Variants in EFHD2 observed in about 807,000 individuals in gnomAD.
EFHD2 encodes the protein EF-hand domain-containing protein D2.
A neutral mutation model predicts 20.3 loss-of-function variants in EFHD2; 12 were observed. The ratio of observed to expected loss-of-function variants is 0.59; its 90% CI spans 0.38 to 0.96. The LOEUF (loss-of-function observed/expected upper bound fraction) is 0.96, where lower values mean the gene tolerates loss of function less well. Among genes scored for constraint, EFHD2 ranks in the 40% least tolerant of loss-of-function variants. The pLI is 0.00. For synonymous variants in EFHD2, 131 were observed against 143.9 expected (o/e 0.91, Z 0.64); for missense variants, 250 against 334.3 (o/e 0.75, Z 1.97).
intron 1 of EFHD2, among the ~76,000 whole-genome samples, chr1:15,415,128 A>G (rs1163387366): frequency 6.6e-6 from 1 of 152,210 alleles, no homozygotes; most frequent in African/African-American, 2.4e-5. Flanking sequence ...CATTCTTCCA[A>G]CAGATATTAA....
chr1:15,428,127 C>T (rs1416875043), intron 3 of EFHD2: 2 of 393,340 alleles, frequency 5.1e-6, no homozygotes, highest in Non-Finnish European at 1.0e-5. Flanking sequence ...AGGGCCAGAG[C>T]TGGTGAGGTC....
intron 1 of EFHD2, 39 bp from the exon 2 acceptor site, chr1:15,425,832 G>T (rs773743648): frequency 4.4e-6 from 7 of 1,594,514 alleles, no homozygotes; most frequent in Non-Finnish European, 5.1e-6. Flanking sequence ...CTCTCTGACT[G>T]AGCCAGTGCC....
chr1:15,410,396 C>T (rs1213893046), intron 1 of EFHD2, 117 bp downstream of exon 1: 61 of 1,264,164 alleles, frequency 4.8e-5, no homozygotes, highest in Admixed American at 3.1e-5. Flanking sequence ...CAAGCTTCCC[C>T]GAACCCAGAC....
intron 1 of EFHD2, among the ~76,000 whole-genome samples, chr1:15,419,530 A>AG (rs35227579): frequency 0.3 from 45,389 of 152,086 alleles, 10,690 homozygotes; most frequent in African/African-American, 0.66. Context: ...GGAAAAAGAG[A>AG]GGGGCCAGGG....
rs768726542 is a variant in EFHD2, at chr1:15,428,732, T to TG, written c.*9dup. On this transcript the variant is annotated 3_prime_UTR_variant, in exon 4 of 4. Coordinates refer to ENST00000375980, the MANE Select transcript of EFHD2 (RefSeq NM_024329.6). ...CAGTCCACCTTTAAGTAGCGGGGGC[T>TG]GCAGCCGACCGCCCTGCTCCGGCCC... 107 of 1,573,320 alleles carry TG rather than the reference T, an allele frequency of 6.8e-5. No homozygotes were observed. The highest frequency in any genetic ancestry group is 9.0e-5 in the Non-Finnish European group (105 of 1,160,542).
At chr1:15,419,421 G>A (rs1056954313) in intron 1 of EFHD2, among the ~76,000 whole-genome samples, 8 of 152,366 alleles carry the variant, frequency 5.3e-5, no homozygotes, top group East Asian at 1.9e-4. Context: ...CAGTACTGCC[G>A]AATGGCATTG....
chr1:15,414,759 A>G (rs1398778566), intron 1 of EFHD2, among the ~76,000 whole-genome samples: 1 of 152,246 alleles, frequency 6.6e-6, no homozygotes, highest in African/African-American at 2.4e-5. Context: ...TCTCCTGCTG[A>G]ACAGCCACTC....
rs562670393 is a variant in EFHD2, at chr1:15,428,608, G to C, written c.607G>C (p.Val203Leu). The C allele has an allele frequency of 1.2e-6, 2 of 1,611,020 alleles. No individual in the cohort carries two copies. The highest frequency in any genetic ancestry group is 1.7e-6 in the Non-Finnish European group (2 of 1,178,998). ...FFEAKVQAINVSSRFEEEIKA... is the reference protein window; with the variant it reads ...FFEAKVQAINLSSRFEEEIKA... Reference sequence around the variant, plus strand: ...GCCCCCGCAGGTCCAGGCCATCAACGTGTCCAGCCGCTTCGAGGAGGAGAT... The same window carrying C: ...GCCCCCGCAGGTCCAGGCCATCAACCTGTCCAGCCGCTTCGAGGAGGAGAT... The change falls in exon 4 of 4, where the codon GTG becomes CTG. Residue 203 changes from valine to leucine, a missense_variant. By Grantham distance (32) the Val-to-Leu change is conservative. This residue lies in a region of EFHD2 where 100 missense variants were observed against 116.2 expected (regional missense o/e 0.86). Transcript: ENST00000375980.
rs560889272 is a variant in EFHD2, at chr1:15,412,592, C to T, written c.308+2313C>T. Reference sequence around the variant, plus strand: ...GCGGATTGTCCATTCATGTCCCCAACCCCAGCCCCCGTCTCTCCTTTCCCC... The same window carrying T: ...GCGGATTGTCCATTCATGTCCCCAATCCCAGCCCCCGTCTCTCCTTTCCCC... On this transcript the variant is annotated intron_variant, in intron 1 of 3. Transcript: ENST00000375980. Among the ~76,000 whole-genome samples the T allele has an allele frequency of 3.2e-3, 489 of 152,270 alleles. 3 individuals carry two copies. Among genetic ancestry groups the T allele is most frequent in the African/African-American group, 0.011 (463 of 41,550 alleles).
intron 1 of EFHD2, among the ~76,000 whole-genome samples, chr1:15,421,046 T>G (rs1295668974): frequency 6.6e-6 from 1 of 152,206 alleles, no homozygotes; most frequent in Non-Finnish European, 1.5e-5. Flanking sequence ...GACCAGGCTC[T>G]GTGCCAAGAG....
chr1:15,411,893 T>A (rs1010151149), intron 1 of EFHD2, among the ~76,000 whole-genome samples: 1 of 152,180 alleles, frequency 6.6e-6, no homozygotes, highest in Non-Finnish European at 1.5e-5. Context: ...AGAAAGGCTC[T>A]GACCCTACTC....
chr1:15,419,265 A>G (rs1269299263), intron 1 of EFHD2, among the ~76,000 whole-genome samples: 1 of 152,216 alleles, frequency 6.6e-6, no homozygotes, highest in Non-Finnish European at 1.5e-5. Context: ...TGTCCCCAGC[A>G]TCCAGGGTGC....
chr1:15,426,374 G>C lies in EFHD2; in HGVS notation c.456+356G>C, dbSNP rs143685859. 6.6e-6 allele frequency among the ~76,000 whole-genome samples: 1 copy of C among 152,270 alleles called. No individual in the cohort carries two copies. Among genetic ancestry groups the C allele is most frequent in the East Asian group, 1.9e-4 (1 of 5,184 alleles). On this transcript the variant is annotated intron_variant, in intron 2 of 3. Transcript: ENST00000375980. This position sits in a 1 kb window ranked among gnomAD's most constrained non-coding sequence, Gnocchi z 4.6. ...TGTAGAGGGGGAGACACCACAGAAG[G>C]AAATCAGGGCTGTGATGCAGAGGAA...
At chr1:15,423,100 A>T (rs1707820956) in intron 1 of EFHD2, among the ~76,000 whole-genome samples, 1 of 152,102 alleles carries the variant, frequency 6.6e-6, no homozygotes, top group African/African-American at 2.4e-5. Context: ...CCAGCCCTCT[A>T]CCAGGCAGCA....
At chr1:15,418,779 T>C (rs1707734586) in intron 1 of EFHD2, among the ~76,000 whole-genome samples, 1 of 152,226 alleles carries the variant, frequency 6.6e-6, no homozygotes, top group African/African-American at 2.4e-5. Flanking sequence ...AGTTCTCTGC[T>C]GTGTCCTGAT....
In EFHD2 at chr1:15,426,015, G is replaced by A. The variant is rs750776298; in HGVS notation, c.453G>A (p.Arg151=). 6.3e-6 allele frequency: 10 copies of A among 1,580,958 alleles called. No homozygotes were observed. In the Admixed American group the frequency reaches 7.5e-5, roughly 12 times the overall value. ...DEDFDSKLSF[R]EFLLIFRKAA... is the part of the protein sequence containing the mutation. ...ACTTTGACAGCAAGCTGAGCTTCCG[G>A]GAGGTAAGCCCGGCCCCCAGCCCCA... Residue 151 remains arginine (R), a synonymous_variant, in exon 2 of 4, where the codon CGG becomes CGA. Transcript: ENST00000375980. The surrounding 1 kb of genome is among the most constrained non-coding windows in gnomAD (Gnocchi z 4.6).
At chr1:15,423,883 CT>C (rs761779880) in intron 1 of EFHD2, among the ~76,000 whole-genome samples, 1 of 152,148 alleles carries the variant, frequency 6.6e-6, no homozygotes, top group Non-Finnish European at 1.5e-5. Flanking sequence ...CACAAGCCTT[CT>C]TTAGGTGCAG....
chr1:15,414,283 C>T (rs1190379092), intron 1 of EFHD2, among the ~76,000 whole-genome samples: 2 of 152,234 alleles, frequency 1.3e-5, no homozygotes, highest in Non-Finnish European at 2.9e-5. Context: ...CCTGCACAAG[C>T]TCTGGAAGCC....
rs982506425 is a variant in EFHD2, at chr1:15,427,105, C to T, written c.457-45C>T. 8 of 1,598,158 alleles carry T rather than the reference C, an allele frequency of 5.0e-6. No individual in the cohort carries two copies. The East Asian group carries it at 1.3e-4, about 27-fold the overall frequency. ...TGCGGCCAGGGACTCCGGCTCCCCT[C>T]CTTCCCTCCCTTCCTGACACCGCGC... is the stretch of plus-strand genomic sequence containing the variant. On this transcript the variant is annotated intron_variant, in intron 2 of 3. Transcript: ENST00000375980.
Sources: allele counts gnomAD v4.1 joint callset (sites outside exome capture counted in the v4.1 genomes callset), GRCh38; gene constraint gnomAD v4.1.1; regional missense constraint gnomAD v4.1.1; non-coding constraint Gnocchi (gnomAD v3.1); transcripts MANE v1.5; gene names NCBI Gene and HGNC (gene_info 2026-07-23, HGNC 2026-07-21).